The following MAP4 variants were observed in gnomAD, a reference collection of about 807,000 sequenced individuals.
The protein encoded by MAP4 is microtubule associated protein 4, also known as microtubule-associated protein 4.
MAP4 carries 76 observed loss-of-function variants against 170.2 expected under a neutral mutation model. That is an observed-to-expected ratio of 0.45 (90% CI 0.37 to 0.54). MAP4 has a LOEUF of 0.54. MAP4 is among the 20% of genes least tolerant of loss of function. The pLI is 0.00. For missense variants in MAP4, 2,506 were observed against 2,748.0 expected, an observed-to-expected ratio of 0.91 and a Z score of 1.97; for synonymous variants, 909 against 994.5, an observed-to-expected ratio of 0.91 and a Z score of 1.62.
At chr3:48,037,810 G>A (rs927431270) in intron 1 of MAP4, among the ~76,000 whole-genome samples, 10 of 152,136 alleles carry the variant, frequency 6.6e-5, no homozygotes, top group African/African-American at 2.4e-4. Flanking sequence ...TATGACATGT[G>A]CTTCTACTAT....
At chr3:47,915,016 T>C (rs11707679) in intron 7 of MAP4, 77 bp from the exon 8 acceptor site, 464,105 of 1,577,482 alleles carry the variant, frequency 0.29, 70,563 homozygotes, top group Middle Eastern at 0.35. Flanking sequence ...AGAAATTGGA[T>C]ATGGGATTAG....
intron 2 of MAP4, among the ~76,000 whole-genome samples, chr3:47,996,466 G>A (rs2100095690): frequency 6.6e-6 from 1 of 152,126 alleles, no homozygotes; most frequent in Non-Finnish European, 1.5e-5. Flanking sequence ...GGACCCCTCT[G>A]AGGCACGGGT....
chr3:47,892,356 C>T, intron 10 of MAP4: 1 of 1,536,190 alleles, frequency 6.5e-7, no homozygotes, highest in South Asian at 1.2e-5. Context: ...TTCAGTTTGC[C>T]CTCTGTCCTC....
intron 3 of MAP4, among the ~76,000 whole-genome samples, chr3:47,965,904 CTT>C (rs2100074599): frequency 6.6e-6 from 1 of 152,038 alleles, no homozygotes; most frequent in African/African-American, 2.4e-5. Flanking sequence ...TCTGTTTTTT[CTT>C]TTGTCGTCTG....
chr3:47,985,066 G>A (rs1421698530), intron 2 of MAP4, among the ~76,000 whole-genome samples: 1 of 152,022 alleles, frequency 6.6e-6, no homozygotes, highest in Non-Finnish European at 1.5e-5. Flanking sequence ...AATCACCTGA[G>A]GTCAGGAGTT....
intron 3 of MAP4, among the ~76,000 whole-genome samples, chr3:47,952,641 AAAAT>A (rs1250112436): frequency 7.9e-5 from 12 of 151,746 alleles, no homozygotes; most frequent in Non-Finnish European, 1.3e-4. Flanking sequence ...TTAAATGGAA[AAAAT>A]AAATAAATAA....
At chr3:47,955,042 T>A (rs768439019) in intron 3 of MAP4, among the ~76,000 whole-genome samples, 2 of 152,158 alleles carry the variant, frequency 1.3e-5, no homozygotes, top group Non-Finnish European at 2.9e-5. Context: ...ATCAAAAGAC[T>A]TGAAAGAAAC....
intron 6 of MAP4, among the ~76,000 whole-genome samples, chr3:47,917,654 C>CTCAACACT (rs2100040506): frequency 6.6e-6 from 1 of 151,086 alleles, no homozygotes; most frequent in Admixed American, 6.6e-5. Context: ...CTTTGACAGT[C>CTCAACACT]TCAACACTTG....
At position 47,912,347 on chromosome 3, in the gene MAP4, G is replaced by C. The variant is rs902364795; in HGVS notation, c.2074C>G (p.Arg692Gly). 6.5e-7 allele frequency: 1 copy of C among 1,535,836 alleles called. No homozygotes were observed. Among genetic ancestry groups the C allele is most frequent in the Admixed American group, 2.0e-5 (1 of 50,986 alleles). The change falls in exon 9 of 21, where the codon CGG becomes GGG. Residue 692 changes from arginine (R) to glycine (G), a missense_variant. Physicochemically the swap from Arg to Gly is moderately radical, Grantham distance 125. This residue lies in a region of MAP4 where 2,008 missense variants were observed against 2,206.0 expected (regional missense o/e 0.91). Transcript: ENST00000683076. ...VCRPSDRRST[R>G]PKPARVPPEL... ...GGAGGGACCCTGGCAGGCTTGGGCC[G>C]GGTTGACCTGCGGTCACTGGGTCTG...
chr3:48,045,859 A>T (rs140702993), intron 1 of MAP4, among the ~76,000 whole-genome samples: 79 of 152,236 alleles, frequency 5.2e-4, no homozygotes, highest in African/African-American at 1.8e-3. Context: ...CATCTTTTCT[A>T]TGCCTTAGCC....
At chr3:48,015,575 A>T (rs1174427891) in intron 1 of MAP4, among the ~76,000 whole-genome samples, 1 of 152,070 alleles carries the variant, frequency 6.6e-6, no homozygotes, top group East Asian at 1.9e-4. Context: ...ATTTTTTTTT[A>T]GTATGCCTAG....
At chr3:47,892,799 A>G in intron 10 of MAP4, 1 of 1,167,894 alleles carries the variant, frequency 8.6e-7, no homozygotes, top group Non-Finnish European at 1.1e-6. Context: ...TAGATCTGCA[A>G]TTTAAAACAC....
At chr3:47,902,606 A>G (rs1470044126) in intron 10 of MAP4, among the ~76,000 whole-genome samples, 1 of 141,302 alleles carries the variant, frequency 7.1e-6, no homozygotes, top group African/African-American at 2.6e-5. Flanking sequence ...CCCAGGAGCC[A>G]GAGGTTGCAG....
At chr3:47,913,824 T>C (rs1191329211) in intron 8 of MAP4, among the ~76,000 whole-genome samples, 3 of 152,140 alleles carry the variant, frequency 2.0e-5, no homozygotes, top group African/African-American at 7.2e-5. Context: ...CACATTCCAA[T>C]CATAGTCACA....
intron 3 of MAP4, among the ~76,000 whole-genome samples, chr3:47,929,546 G>A (rs1173693870): frequency 3.7e-5 from 5 of 136,414 alleles, no homozygotes; most frequent in South Asian, 2.4e-4. Context: ...GAAACAATTG[G>A]ACACTGACCA....
intron 10 of MAP4, among the ~76,000 whole-genome samples, chr3:47,895,023 A>G (rs79551329): frequency 2.8e-5 from 4 of 145,058 alleles, no homozygotes; most frequent in Admixed American, 7.0e-5. Flanking sequence ...ACCCTGTCCA[A>G]AAAAAAAAAA....
chr3:47,980,228 G>C (rs2100084695), intron 2 of MAP4, among the ~76,000 whole-genome samples: 4 of 152,010 alleles, frequency 2.6e-5, no homozygotes, highest in African/African-American at 9.7e-5. Context: ...TTGCATATAA[G>C]ACTATATAGA....
At chr3:48,062,208 G>C (rs1044141204) in intron 1 of MAP4, among the ~76,000 whole-genome samples, 1 of 152,056 alleles carries the variant, frequency 6.6e-6, no homozygotes, top group Non-Finnish European at 1.5e-5. Context: ...CCCCAACCCG[G>C]TGCTCTCTGA....
chr3:48,073,340 G>A (rs2100141995), intron 1 of MAP4, among the ~76,000 whole-genome samples: 1 of 149,824 alleles, frequency 6.7e-6, no homozygotes, highest in Non-Finnish European at 1.5e-5. Flanking sequence ...GCCGGGTGCG[G>A]TGGCTCACAC....
Sources: gnomAD v4.1 joint callset for allele counts (sites outside exome capture counted in the v4.1 genomes callset) on GRCh38, gnomAD v4.1.1 for gene constraint, gnomAD v4.1.1 regional missense constraint, MANE v1.5 for transcripts, NCBI Gene and HGNC (gene_info 2026-07-23, HGNC 2026-07-21) for gene names.